The following RGS7 variants were observed in gnomAD, a reference collection of about 807,000 sequenced individuals.
RGS7 encodes regulator of G protein signaling 7, also known as regulator of G-protein signaling 7.
RGS7 carries 27 observed loss-of-function variants against 81.1 expected under a neutral mutation model. The observed-to-expected ratio is 0.33, with a 90% CI of 0.25 to 0.46. The LOEUF (loss-of-function observed/expected upper bound fraction) is 0.46. RGS7 is among the 20% of genes least tolerant of loss of function. RGS7 has a pLI of 1.00. For missense variants in RGS7, 396 were observed against 607.4 expected, an observed-to-expected ratio of 0.65 and a Z score of 3.66; for synonymous variants, 208 against 207.7, an observed-to-expected ratio of 1.00 and a Z score of -0.01.
At chr1:241,004,178 C>T (rs1359975323) in intron 3 of RGS7, among the ~76,000 whole-genome samples, 4 of 152,132 alleles carry the variant, frequency 2.6e-5, no homozygotes, top group Admixed American at 2.6e-4. Context: ...GCCTTTAATC[C>T]AAGACTAAGG....
intron 2 of RGS7, among the ~76,000 whole-genome samples, chr1:241,169,336 CTTTTTTTTTTTTT>C (rs57753661): frequency 1.3e-5 from 1 of 74,274 alleles, no homozygotes; most frequent in Non-Finnish European, 2.4e-5. Context: ...ATGTGTGTTT[CTTTTTTTTTTTTT>C]TTTTTTTTTT....
chr1:241,099,415 C>T (rs937247164), intron 2 of RGS7, among the ~76,000 whole-genome samples: 4 of 152,034 alleles, frequency 2.6e-5, no homozygotes, highest in South Asian at 4.1e-4. Context: ...TACACATACA[C>T]GTGCATGTAC....
chr1:241,029,127 AAAAGAAAAAC>A (rs1410361530), intron 3 of RGS7, among the ~76,000 whole-genome samples: 1 of 142,646 alleles, frequency 7.0e-6, no homozygotes, highest in Non-Finnish European at 1.6e-5. Flanking sequence ...GTTGATGTAA[AAAAGAAAAAC>A]AAAACAAAAA....
intron 2 of RGS7, among the ~76,000 whole-genome samples, chr1:241,351,591 A>C (rs1452526469): frequency 1.3e-5 from 2 of 152,158 alleles, no homozygotes; most frequent in East Asian, 3.9e-4. Flanking sequence ...CCTCCTTTAC[A>C]ACTAAATAAA....
chr1:240,806,493 T>C (rs942578748), intron 14 of RGS7, among the ~76,000 whole-genome samples, 167 bp from the exon 15 acceptor site: 2 of 151,338 alleles, frequency 1.3e-5, no homozygotes, highest in Non-Finnish European at 2.9e-5. Flanking sequence ...GATAATCTTC[T>C]TTGGAAGATT....
intron 3 of RGS7, among the ~76,000 whole-genome samples, chr1:241,076,553 G>A (rs555895544): frequency 1.9e-3 from 283 of 152,224 alleles, no homozygotes; most frequent in Non-Finnish European, 3.4e-3. Context: ...AATTCCCAGT[G>A]ATATTAATGA....
chr1:241,253,331 T>G (rs556580648), intron 2 of RGS7, among the ~76,000 whole-genome samples: 1 of 152,316 alleles, frequency 6.6e-6, no homozygotes, highest in East Asian at 1.9e-4. Context: ...GGTTTTGGTC[T>G]GGCTTAAACC....
intron 2 of RGS7, among the ~76,000 whole-genome samples, chr1:241,257,731 C>T (rs1290373824): frequency 2.0e-5 from 3 of 151,782 alleles, no homozygotes; most frequent in Non-Finnish European, 1.5e-5. Flanking sequence ...CAAGCACACA[C>T]AAAGGAAAAA....
At chr1:240,998,278 G>C (rs567016359) in intron 3 of RGS7, among the ~76,000 whole-genome samples, 1 of 152,182 alleles carries the variant, frequency 6.6e-6, no homozygotes, top group South Asian at 2.1e-4. Context: ...TTATTAAGTG[G>C]CTTGGTATGC....
At chr1:240,787,272 T>C (rs1685225930) in intron 18 of RGS7, among the ~76,000 whole-genome samples, 1 of 152,198 alleles carries the variant, frequency 6.6e-6, no homozygotes, top group South Asian at 2.1e-4. Context: ...ATTCTTCTAA[T>C]GGTGTGTTGC....
At chr1:241,071,625 G>A (rs2062449387) in intron 3 of RGS7, among the ~76,000 whole-genome samples, 1 of 151,340 alleles carries the variant, frequency 6.6e-6, no homozygotes, top group Admixed American at 6.6e-5. Context: ...TCTTTTGAAA[G>A]ACTCCAATAA....
At chr1:240,941,259 G>A (rs147946012) in intron 4 of RGS7, among the ~76,000 whole-genome samples, 305 of 152,270 alleles carry the variant, frequency 2.0e-3, no homozygotes, top group African/African-American at 6.9e-3. Flanking sequence ...TTCTCACAAT[G>A]CTTACAAATG....
At chr1:241,303,232 C>T (rs1273565426) in intron 2 of RGS7, among the ~76,000 whole-genome samples, 2 of 152,116 alleles carry the variant, frequency 1.3e-5, no homozygotes, top group African/African-American at 4.8e-5. Flanking sequence ...TTCCCCCTTG[C>T]TGTTCTTGTG....
At chr1:240,962,114 C>T (rs1448430817) in intron 4 of RGS7, among the ~76,000 whole-genome samples, 1 of 152,136 alleles carries the variant, frequency 6.6e-6, no homozygotes, top group Non-Finnish European at 1.5e-5. Context: ...TTCCTTAGCT[C>T]ACCGTACTTG....
rs548493877 is a variant in RGS7, at chr1:240,821,250, C to T, written c.685-4835G>A. On this transcript the variant is annotated intron_variant, in intron 10 of 18. Transcript: ENST00000440928. ...AGTGGATCACCTGAGGTCAGGAGTT[C>T]GAGACCAGTCTAGGCAACATGGTGA... is the stretch of plus-strand genomic sequence containing the variant. Among the ~76,000 whole-genome samples the T allele has an allele frequency of 5.3e-5, 8 of 152,190 alleles. No individual in the cohort carries two copies. In the South Asian group the frequency reaches 1.2e-3, roughly 24 times the overall value.
chr1:241,050,347 GA>G (rs1265494237), intron 3 of RGS7, among the ~76,000 whole-genome samples: 1 of 152,112 alleles, frequency 6.6e-6, no homozygotes, highest in Non-Finnish European at 1.5e-5. Flanking sequence ...GGCACACAAG[GA>G]AAATCCTCAG....
chr1:241,088,231 A>G (rs112646373), intron 3 of RGS7, among the ~76,000 whole-genome samples: 1 of 151,766 alleles, frequency 6.6e-6, no homozygotes, highest in Non-Finnish European at 1.5e-5. Context: ...CACCTCTATA[A>G]CTAGAATCAA....
intron 5 of RGS7, among the ~76,000 whole-genome samples, chr1:240,935,545 T>C (rs1676475648): frequency 6.6e-6 from 1 of 152,228 alleles, no homozygotes; most frequent in Non-Finnish European, 1.5e-5. Flanking sequence ...CTCCTAGCTC[T>C]TAAGTCCAAA....
intron 3 of RGS7, chr1:240,998,408 TAAGTTCAGC>T: frequency 5.0e-6 from 3 of 598,576 alleles, no homozygotes; most frequent in African/African-American, 1.9e-5. Flanking sequence ...TTTTTTTTTT[TAAGTTCAGC>T]TTTTTATTGA....
Sources: gnomAD v4.1 joint callset for allele counts (sites outside exome capture counted in the v4.1 genomes callset) on GRCh38, gnomAD v4.1.1 for gene constraint, MANE v1.5 for transcripts, NCBI Gene and HGNC (gene_info 2026-07-23, HGNC 2026-07-21) for gene names.